The following ZMAT4 variants were observed in gnomAD, a reference collection of about 807,000 sequenced individuals.
The protein encoded by ZMAT4 is zinc finger matrin-type 4.
A neutral mutation model predicts 28.7 loss-of-function variants in ZMAT4; 17 were observed. The observed-to-expected ratio is 0.59, with a 90% CI of 0.41 to 0.89. The LOEUF is 0.89. Ranked by LOEUF, ZMAT4 falls within the 40% of genes least tolerant of loss-of-function variation. The pLI is 0.00. For missense variants in ZMAT4, 240 were observed against 283.8 expected, an observed-to-expected ratio of 0.85 and a Z score of 1.11; for synonymous variants, 117 against 109.2, an observed-to-expected ratio of 1.07 and a Z score of -0.44.
chr8:40,764,787 CTT>C (rs1009795123), intron 3 of ZMAT4, among the ~76,000 whole-genome samples: 14 of 152,166 alleles, frequency 9.2e-5, no homozygotes, highest in African/African-American at 3.4e-4. Context: ...ATAAATATGA[CTT>C]ATGTCAGTTG....
intron 1 of ZMAT4, among the ~76,000 whole-genome samples, chr8:40,838,323 CTGG>C (rs1158776843): frequency 6.6e-6 from 1 of 152,172 alleles, no homozygotes; most frequent in Non-Finnish European, 1.5e-5. Flanking sequence ...TCACTGTGAG[CTGG>C]TGATGCCCCT....
chr8:40,813,396 A>T (rs1815406779), intron 2 of ZMAT4, among the ~76,000 whole-genome samples: 2 of 152,234 alleles, frequency 1.3e-5, no homozygotes, highest in African/African-American at 4.8e-5. Context: ...TGTTCATACA[A>T]CATAGGCTTT....
intron 3 of ZMAT4, among the ~76,000 whole-genome samples, chr8:40,742,299 C>T (rs1204925120): frequency 6.7e-6 from 1 of 150,162 alleles, no homozygotes; most frequent in Non-Finnish European, 1.5e-5. Flanking sequence ...CCAATTCTGC[C>T]TAAAAAACCA....
chr8:40,608,393 C>A (rs1805676575), intron 5 of ZMAT4, among the ~76,000 whole-genome samples: 2 of 152,124 alleles, frequency 1.3e-5, no homozygotes, highest in South Asian at 4.1e-4. Flanking sequence ...AGCTTCCACA[C>A]AGCCAGAAAG....
At chr8:40,647,798 A>C (rs1807409030) in intron 5 of ZMAT4, among the ~76,000 whole-genome samples, 1 of 152,076 alleles carries the variant, frequency 6.6e-6, no homozygotes, top group Non-Finnish European at 1.5e-5. Context: ...ACTGGGAGGC[A>C]CCCCCAAGCA....
intron 2 of ZMAT4, among the ~76,000 whole-genome samples, chr8:40,796,090 C>A (rs1277031458): frequency 6.6e-6 from 1 of 152,200 alleles, no homozygotes; most frequent in Non-Finnish European, 1.5e-5. Flanking sequence ...CCCCCTCTGG[C>A]TGACTCTCAG....
At chr8:40,593,537 G>A (rs918732341) in intron 5 of ZMAT4, among the ~76,000 whole-genome samples, 25 of 152,074 alleles carry the variant, frequency 1.6e-4, no homozygotes, top group Admixed American at 1.4e-3. Flanking sequence ...GACAACTGTC[G>A]AAGGATTGTG....
Position 40,531,076 on chromosome 8 carries a change from CAGT to C in ZMAT4, c.*1144_*1146del, listed in dbSNP as rs1802679548. 1 of 152,656 alleles carries C rather than the reference CAGT, an allele frequency of 6.6e-6. No individual in the cohort carries two copies. Among genetic ancestry groups the C allele is most frequent in the Non-Finnish European group, 1.5e-5 (1 of 68,118 alleles). 9.5% of individuals were successfully genotyped at this position (152,656 alleles called of 1,614,324 possible). On this transcript the variant is annotated 3_prime_UTR_variant, in exon 7 of 7. Transcript: ENST00000297737. Reference sequence around the variant, plus strand: ...CCAGCTGGTCCATGCAGGGCATCGTCAGTAGAAGCTCAACGTCCCACTTCGTAA... The same window carrying C: ...CCAGCTGGTCCATGCAGGGCATCGTCAGAAGCTCAACGTCCCACTTCGTAA...
Position 40,848,865 on chromosome 8 carries a change from T to C in ZMAT4, c.-4-23185A>G, listed in dbSNP as rs142072139. ...CTTCTTTAATTCAAAAATCCGTCCATTGTGGTTCCTGGTTCCACAAAAACA... is the reference window on the plus strand; with the variant it reads ...CTTCTTTAATTCAAAAATCCGTCCACTGTGGTTCCTGGTTCCACAAAAACA... On this transcript the variant is annotated intron_variant, in intron 1 of 6. Coordinates refer to ENST00000297737, the MANE Select transcript of ZMAT4 (RefSeq NM_024645.3). Among the ~76,000 whole-genome samples the C allele has an allele frequency of 1.0e-3, 158 of 152,360 alleles. 1 individual carries two copies. The highest frequency in any genetic ancestry group is 3.5e-3 in the African/African-American group (147 of 41,576).
At chr8:40,569,725 A>G (rs1489826053) in intron 6 of ZMAT4, among the ~76,000 whole-genome samples, 1 of 152,124 alleles carries the variant, frequency 6.6e-6, no homozygotes, top group Non-Finnish European at 1.5e-5. Flanking sequence ...GAACAGCCCT[A>G]TTGCCTTTAA....
intron 5 of ZMAT4, among the ~76,000 whole-genome samples, chr8:40,598,261 T>C (rs1233434353): frequency 6.6e-6 from 1 of 152,198 alleles, no homozygotes; most frequent in East Asian, 1.9e-4. Context: ...GTTTGTTACA[T>C]AGGTATGCAT....
rs1316865739 is a variant in ZMAT4 at position 40,638,052 on chromosome 8, G to A, written c.577+36652C>T. ...AGTAGAATCGTGGTTATCAGAGGTC[G>A]AAGCAAGATCAGTAAATGGATAAAG... On this transcript the variant is annotated intron_variant, in intron 5 of 6. Coordinates refer to ENST00000297737, the MANE Select transcript of ZMAT4 (RefSeq NM_024645.3). Among the ~76,000 whole-genome samples the A allele has an allele frequency of 8.5e-5, 13 of 152,308 alleles. No homozygotes were observed. The East Asian group carries it at 9.7e-4, about 11-fold the overall frequency.
At chr8:40,775,736 G>C (rs894260513) in intron 2 of ZMAT4, among the ~76,000 whole-genome samples, 1 of 152,116 alleles carries the variant, frequency 6.6e-6, no homozygotes, top group East Asian at 1.9e-4. Context: ...TTATAGGATC[G>C]TGGACATTTG....
chr8:40,671,610 C>T (rs180902555), intron 5 of ZMAT4, among the ~76,000 whole-genome samples: 14 of 152,128 alleles, frequency 9.2e-5, no homozygotes, highest in Admixed American at 9.2e-4. Context: ...AGTTTTAGAA[C>T]AAGCAAAACT....
At chr8:40,674,526 TA>T (rs1177188942) in intron 5 of ZMAT4, 177 bp downstream of exon 5, 13 of 585,964 alleles carry the variant, frequency 2.2e-5, no homozygotes, top group African/African-American at 1.9e-4. Flanking sequence ...AAGGAGATTA[TA>T]AAAATTAAAC....
intron 2 of ZMAT4, among the ~76,000 whole-genome samples, chr8:40,789,099 G>C (rs1260694314): frequency 6.6e-6 from 1 of 151,312 alleles, no homozygotes; most frequent in Non-Finnish European, 1.5e-5. Context: ...AGGAGAGAGG[G>C]AAGGCGAAGA....
At chr8:40,561,764 A>T (rs1244503015) in intron 6 of ZMAT4, among the ~76,000 whole-genome samples, 5 of 152,258 alleles carry the variant, frequency 3.3e-5, no homozygotes, top group Non-Finnish European at 5.9e-5. Context: ...TCAAAACATT[A>T]TGAGAGTTTT....
At chr8:40,572,876 C>T (rs1457294040) in intron 6 of ZMAT4, among the ~76,000 whole-genome samples, 1 of 152,092 alleles carries the variant, frequency 6.6e-6, no homozygotes, top group Non-Finnish European at 1.5e-5. Flanking sequence ...AGCAATCTGA[C>T]AATTACAGTT....
intron 3 of ZMAT4, among the ~76,000 whole-genome samples, chr8:40,715,423 G>A (rs1810809333): frequency 1.3e-5 from 2 of 152,142 alleles, no homozygotes; most frequent in South Asian, 4.2e-4. Flanking sequence ...GCACATGTGT[G>A]AAAGAGCAAG....
Sources: gnomAD v4.1 joint callset for allele counts (sites outside exome capture counted in the v4.1 genomes callset) on GRCh38, gnomAD v4.1.1 for gene constraint, MANE v1.5 for transcripts, NCBI Gene and HGNC (gene_info 2026-07-23, HGNC 2026-07-21) for gene names.